Variants in WIPF3 observed in about 807,000 individuals in gnomAD.
WIPF3 encodes the protein WAS/WASL interacting protein family member 3.
WIPF3 carries 33 observed loss-of-function variants against 38.9 expected under a neutral mutation model. That is an observed-to-expected ratio of 0.85 (90% confidence interval 0.64 to 1.14). The LOEUF (loss-of-function observed/expected upper bound fraction) is 1.14, where lower values mean the gene tolerates loss of function less well. Ranked by LOEUF, WIPF3 falls within the 50% of genes most tolerant of loss-of-function variation. The pLI, the probability that WIPF3 is intolerant of heterozygous loss-of-function variation, is 0.00. For synonymous variants in WIPF3, 324 were observed against 269.3 expected, an observed-to-expected ratio of 1.20 and a Z score of -1.99; for missense variants, 711 against 652.5, an observed-to-expected ratio of 1.09 and a Z score of -0.98.
intron 8 of WIPF3, chr7:29,904,848 A>G (rs1786360702): frequency 6.5e-6 from 1 of 154,696 alleles, no homozygotes; most frequent in South Asian, 2.0e-4. Flanking sequence ...CAGAACTAGA[A>G]GGCAAGCCAG....
At chr7:29,864,167 T>C (rs1348513263) in intron 2 of WIPF3, among the ~76,000 whole-genome samples, 2 of 152,196 alleles carry the variant, frequency 1.3e-5, no homozygotes, top group African/African-American at 2.4e-5. Context: ...GTTTTGTTTA[T>C]TTTTTTAAAT....
chr7:29,913,238 C>T (rs10951252), intron 8 of WIPF3, among the ~76,000 whole-genome samples: 20,991 of 151,238 alleles, frequency 0.14, 1,531 homozygotes, highest in Middle Eastern at 0.17. Context: ...CCCAGCTACA[C>T]GGGAGGCTGA....
intron 1 of WIPF3, among the ~76,000 whole-genome samples, chr7:29,824,335 G>T (rs1351763014): frequency 6.6e-6 from 1 of 152,132 alleles, no homozygotes; most frequent in Non-Finnish European, 1.5e-5. Context: ...AAATGAAAAA[G>T]AAGAAGAAAA....
chr7:29,898,243 C>T (rs1483950994), intron 7 of WIPF3, among the ~76,000 whole-genome samples: 1 of 152,190 alleles, frequency 6.6e-6, no homozygotes, highest in African/African-American at 2.4e-5. Flanking sequence ...GACTCCTTCT[C>T]AGTTTTTTGT....
At chr7:29,829,204 C>T (rs1784676554) in intron 1 of WIPF3, among the ~76,000 whole-genome samples, 1 of 137,122 alleles carries the variant, frequency 7.3e-6, no homozygotes. Flanking sequence ...TTATCTGACT[C>T]CTGCTTTTTT....
intron 2 of WIPF3, among the ~76,000 whole-genome samples, chr7:29,874,624 G>A (rs1162086430): frequency 6.6e-6 from 1 of 152,146 alleles, no homozygotes; most frequent in African/African-American, 2.4e-5. Flanking sequence ...AGGTCACGTG[G>A]CTGGTATGAA....
rs1562791392 is a variant in WIPF3 at position 29,904,343 on chromosome 7, T to TC, written c.1410dup (p.Lys471GlnfsTer42). The TC allele has an allele frequency of 1.9e-6, 3 of 1,613,894 alleles. No individual in the cohort carries two copies. The highest frequency in any genetic ancestry group is 2.5e-6 in the Non-Finnish European group (3 of 1,179,820). On this transcript the variant is annotated frameshift_variant, in exon 8 of 9. Transcript: ENST00000242140. LOFTEE classifies it high-confidence loss of function. ...GCAGTCGGGCAGAGCTCTGATGACATCAAAGGCAGAAATTCTCAGGTAACA... is the reference window on the plus strand; with the variant it reads ...GCAGTCGGGCAGAGCTCTGATGACATCCAAAGGCAGAAATTCTCAGGTAACA...
rs538776089 is a variant in WIPF3, at chr7:29,849,330, T to G, written c.90+14516T>G. ...TGCCATCATAATCTTCCTTGCTACT[T>G]TTTATGTAAATAAACCACAGACCAA... On this transcript the variant is annotated intron_variant, in intron 2 of 8. Transcript: ENST00000242140. 3.2e-4 allele frequency among the ~76,000 whole-genome samples: 49 copies of G among 152,308 alleles called. 1 individual carries two copies. The highest frequency in any genetic ancestry group is 3.4e-3 in the Middle Eastern group (1 of 294).
intron 2 of WIPF3, among the ~76,000 whole-genome samples, chr7:29,840,100 C>G (rs114605296): frequency 5.3e-5 from 8 of 152,176 alleles, no homozygotes; most frequent in Non-Finnish European, 8.8e-5. Context: ...ACACCTGTCC[C>G]GCAGTCAGCT....
chr7:29,900,784 G>C (rs1786259609), intron 7 of WIPF3, among the ~76,000 whole-genome samples: 1 of 152,230 alleles, frequency 6.6e-6, no homozygotes, highest in Admixed American at 6.5e-5. Context: ...CCTGTTTACA[G>C]CTGGTGGCAA....
rs767812739 is a variant in WIPF3 at position 29,889,694 on chromosome 7, T to TA, written c.1351+289dup. On this transcript the variant is annotated intron_variant, in intron 7 of 8. Transcript: ENST00000242140. ...TCTCTCTCCTCCCTGGGGCTTTTGA[T>TA]AAGGGAACTAACCAACCCAGATAAC... 9.2e-5 allele frequency among the ~76,000 whole-genome samples: 14 copies of TA among 152,320 alleles called. No individual in the cohort carries two copies. The East Asian group carries it at 1.5e-3, about 17-fold the overall frequency.
At chr7:29,895,939 T>C (rs1786134357) in intron 7 of WIPF3, among the ~76,000 whole-genome samples, 2 of 152,170 alleles carry the variant, frequency 1.3e-5, no homozygotes, top group South Asian at 2.1e-4. Context: ...GAAAATATTA[T>C]GTAAGTGAAA....
chr7:29,911,072 G>A (rs1288457961), intron 8 of WIPF3, among the ~76,000 whole-genome samples: 1 of 151,666 alleles, frequency 6.6e-6, no homozygotes, highest in African/African-American at 2.4e-5. Context: ...AAAGTAGCAG[G>A]ATACAAAGTC....
In WIPF3 at chr7:29,823,753, C is replaced by A. The variant is rs1282218939; in HGVS notation, c.-57-10915C>A. On this transcript the variant is annotated intron_variant, in intron 1 of 8. Coordinates refer to ENST00000242140, the MANE Select transcript of WIPF3 (RefSeq NM_001080529.3). The surrounding 1 kb of genome is among the most constrained non-coding windows in gnomAD (Gnocchi z 4.0). ...GTTTAGTGCCATCCCCTCATCGTTG[C>A]TCTTGTGATGTTGAGTGAGTTCTCA... Among the ~76,000 whole-genome samples, 2 of 152,106 alleles carry A rather than the reference C, an allele frequency of 1.3e-5. No homozygotes were observed. Among genetic ancestry groups the A allele is most frequent in the African/African-American group, 2.4e-5 (1 of 41,404 alleles).
At chr7:29,909,049 A>G (rs7800124) in intron 8 of WIPF3, among the ~76,000 whole-genome samples, 52 of 152,274 alleles carry the variant, frequency 3.4e-4, no homozygotes, top group African/African-American at 1.2e-3. Flanking sequence ...TTAAACAACC[A>G]ATGGATCAAA....
At chr7:29,853,116 A>C (rs554886315) in intron 2 of WIPF3, among the ~76,000 whole-genome samples, 1 of 152,268 alleles carries the variant, frequency 6.6e-6, no homozygotes, top group South Asian at 2.1e-4. Context: ...TAGAAGAGGG[A>C]GGAAAACCAG....
rs1279995703 is a variant in WIPF3 at position 29,888,155 on chromosome 7, C to T, written c.1187C>T (p.Thr396Ile). The T allele has an allele frequency of 1.2e-6, 2 of 1,613,584 alleles. No individual in the cohort carries two copies. The highest frequency in any genetic ancestry group is 2.7e-5 in the African/African-American group (2 of 74,916). Residue 396 changes from threonine to isoleucine, a missense_variant, in exon 6 of 9, where the codon ACA becomes ATA. Transcript: ENST00000242140. ...CTTTCAAGCAAGAGCCAGCAGGCCACAGCCTGGACCCCGACGCAGCAGCCT... is the reference window on the plus strand; with the variant it reads ...CTTTCAAGCAAGAGCCAGCAGGCCATAGCCTGGACCCCGACGCAGCAGCCT... ...TELSSKSQQA[T>I]AWTPTQQPGG...
At chr7:29,855,622 G>C (rs1785174184) in intron 2 of WIPF3, among the ~76,000 whole-genome samples, 2 of 151,768 alleles carry the variant, frequency 1.3e-5, no homozygotes, top group South Asian at 4.1e-4. Context: ...TTGCTGGAGT[G>C]ATGGGGCTCA....
At chr7:29,903,721 T>G (rs901426086) in intron 7 of WIPF3, among the ~76,000 whole-genome samples, 1 of 152,000 alleles carries the variant, frequency 6.6e-6, no homozygotes, top group Non-Finnish European at 1.5e-5. Context: ...ATTGAAGAGA[T>G]AAACATCAAA....
Sources: gnomAD v4.1 joint callset for allele counts (sites outside exome capture counted in the v4.1 genomes callset) on GRCh38, gnomAD v4.1.1 for gene constraint, Gnocchi (gnomAD v3.1) non-coding constraint, MANE v1.5 for transcripts, NCBI Gene and HGNC (gene_info 2026-07-23, HGNC 2026-07-21) for gene names.